Variants in GREM2 observed in about 807,000 individuals in gnomAD.
GREM2 encodes the protein gremlin 2, DAN family BMP antagonist.
GREM2 carries 11 observed loss-of-function variants against 14.2 expected under a neutral mutation model. That is an observed-to-expected ratio of 0.78 (90% CI 0.49 to 1.28). GREM2 has a LOEUF of 1.28. GREM2 is among the 50% of genes most tolerant of loss of function. The probability of loss-of-function intolerance (pLI) is 0.00; values close to 1 mark genes in which losing one functional copy is unlikely to be tolerated. For synonymous variants in GREM2, 98 were observed against 97.6 expected (o/e 1.00, Z -0.02); for missense variants, 210 against 218.5 (o/e 0.96, Z 0.24).
chr1:240,585,002 G>T (rs1248200322), intron 1 of GREM2, among the ~76,000 whole-genome samples: 8 of 152,090 alleles, frequency 5.3e-5, no homozygotes, highest in African/African-American at 1.7e-4. Flanking sequence ...GGGAAAAAAA[G>T]TAGTTTACTA....
chr1:240,534,175 G>C (rs929741507), intron 1 of GREM2, among the ~76,000 whole-genome samples: 2 of 152,160 alleles, frequency 1.3e-5, no homozygotes, highest in African/African-American at 4.8e-5. Flanking sequence ...TTCAGGAAGA[G>C]AGGTGTGAGG....
chr1:240,538,358 G>A (rs1484139652), intron 1 of GREM2, among the ~76,000 whole-genome samples: 1 of 152,032 alleles, frequency 6.6e-6, no homozygotes, highest in Non-Finnish European at 1.5e-5. Flanking sequence ...AAAACACCAT[G>A]GAATCATCCA....
At chr1:240,594,674 A>G (rs1236746362) in intron 1 of GREM2, among the ~76,000 whole-genome samples, 2 of 152,056 alleles carry the variant, frequency 1.3e-5, no homozygotes, top group African/African-American at 2.4e-5. Flanking sequence ...ATTCAAAGCA[A>G]AAACTAAGTT....
At chr1:240,598,436 A>G (rs1351784854) in intron 1 of GREM2, among the ~76,000 whole-genome samples, 1 of 152,232 alleles carries the variant, frequency 6.6e-6, no homozygotes, top group African/African-American at 2.4e-5. Flanking sequence ...AAACCACCTG[A>G]CAGAAACATG....
intron 1 of GREM2, among the ~76,000 whole-genome samples, chr1:240,582,985 A>T (rs1236246148): frequency 6.6e-6 from 1 of 152,174 alleles, no homozygotes; most frequent in Non-Finnish European, 1.5e-5. Flanking sequence ...TGCTTGACTA[A>T]AACCTCTTGT....
At chr1:240,537,199 A>G (rs1392955003) in intron 1 of GREM2, among the ~76,000 whole-genome samples, 1 of 152,254 alleles carries the variant, frequency 6.6e-6, no homozygotes, top group Admixed American at 6.5e-5. Flanking sequence ...CTGTGAGCAA[A>G]CAAATAACTA....
At chr1:240,561,592 A>G (rs1427183980) in intron 1 of GREM2, among the ~76,000 whole-genome samples, 3 of 152,030 alleles carry the variant, frequency 2.0e-5, no homozygotes, top group African/African-American at 7.2e-5. Context: ...AGAATCAATC[A>G]TTTTAATGCC....
chr1:240,512,257 T>C (rs891611175), intron 1 of GREM2, among the ~76,000 whole-genome samples: 3 of 152,188 alleles, frequency 2.0e-5, no homozygotes, highest in Non-Finnish European at 4.4e-5. Flanking sequence ...AGAGCATCAG[T>C]ATGAAAACTT....
chr1:240,501,067 TATG>T (rs1418576640), intron 1 of GREM2, among the ~76,000 whole-genome samples: 1 of 152,222 alleles, frequency 6.6e-6, no homozygotes, highest in African/African-American at 2.4e-5. Flanking sequence ...GATGGCATCT[TATG>T]ATGATTTTAA....
At chr1:240,570,353 T>G (rs1374835873) in intron 1 of GREM2, among the ~76,000 whole-genome samples, 1 of 152,070 alleles carries the variant, frequency 6.6e-6, no homozygotes, top group Non-Finnish European at 1.5e-5. Context: ...TCCCAGCTAC[T>G]CGGGGGGCTG....
At chr1:240,525,482 A>C (rs964642885) in intron 1 of GREM2, among the ~76,000 whole-genome samples, 1 of 150,740 alleles carries the variant, frequency 6.6e-6, no homozygotes, top group Non-Finnish European at 1.5e-5. Context: ...GTGGCTTAAG[A>C]CTCCACAAAT....
intron 1 of GREM2, among the ~76,000 whole-genome samples, chr1:240,550,850 T>C (rs1011294398): frequency 1.3e-5 from 2 of 152,218 alleles, no homozygotes; most frequent in African/African-American, 4.8e-5. Flanking sequence ...TCCAATCAAA[T>C]GGACATTGTC....
rs1429864517 is a variant in GREM2 at position 240,491,574 on chromosome 1, G to A, written c.*1395C>T. The A allele has an allele frequency of 1.3e-5, 2 of 152,528 alleles. No homozygotes were observed. The highest frequency in any genetic ancestry group is 2.9e-5 in the Non-Finnish European group (2 of 68,020). The allele number at this position is 152,528 out of a possible 1,614,324, so 9.4% of individuals were successfully genotyped here. On this transcript the variant is annotated 3_prime_UTR_variant, in exon 2 of 2. Coordinates refer to ENST00000318160, the MANE Select transcript of GREM2 (RefSeq NM_022469.4). Reference sequence around the variant, plus strand: ...ACAAAAGGTGACCTAATGTTTGTTCGTCCCTTTTGAAGTCTATTCTTTGAA... The same window carrying A: ...ACAAAAGGTGACCTAATGTTTGTTCATCCCTTTTGAAGTCTATTCTTTGAA...
intron 1 of GREM2, among the ~76,000 whole-genome samples, chr1:240,602,565 T>A (rs935465057): frequency 2.6e-5 from 4 of 152,122 alleles, no homozygotes; most frequent in African/African-American, 9.7e-5. Context: ...CAGCCTGTAA[T>A]CCCAGCACTT....
Position 240,493,440 on chromosome 1 carries a change from C to G in GREM2, c.36G>C (p.Val12=). ...FWKLSLSLFL[V]AVLVKVAEAR... ...CTTCCGCCACCTTCACCAGCACCGC[C>G]ACCAGGAACAAGGACAGGGAAAGCT... Residue 12 remains valine (V), a synonymous_variant, in exon 2 of 2, where the codon GTG becomes GTC. Coordinates refer to ENST00000318160, the MANE Select transcript of GREM2 (RefSeq NM_022469.4). 6.2e-7 allele frequency: 1 copy of G among 1,611,002 alleles called. No homozygotes were observed.
intron 1 of GREM2, among the ~76,000 whole-genome samples, chr1:240,529,327 A>T (rs1184227660): frequency 6.7e-6 from 1 of 150,196 alleles, no homozygotes; most frequent in Non-Finnish European, 1.5e-5. Context: ...TTTGCATCAA[A>T]GAATTTAGGA....
chr1:240,522,387 T>C (rs192739140), intron 1 of GREM2, among the ~76,000 whole-genome samples: 2 of 152,070 alleles, frequency 1.3e-5, no homozygotes, highest in African/African-American at 4.8e-5. Context: ...CAAAGCAATT[T>C]TGGAACAGTG....
intron 1 of GREM2, among the ~76,000 whole-genome samples, chr1:240,528,711 C>G (rs1198889645): frequency 6.6e-6 from 1 of 152,188 alleles, no homozygotes; most frequent in Non-Finnish European, 1.5e-5. Context: ...CAGGTCCAAG[C>G]ACTCTGGCTT....
intron 1 of GREM2, among the ~76,000 whole-genome samples, chr1:240,562,735 A>G (rs7539603): frequency 0.14 from 21,911 of 151,260 alleles, 3,998 homozygotes; most frequent in African/African-American, 0.43. Flanking sequence ...GTATGTGTGT[A>G]TATATGTGTG....
Sources: gnomAD v4.1 joint callset for allele counts (sites outside exome capture counted in the v4.1 genomes callset) on GRCh38, gnomAD v4.1.1 for gene constraint, MANE v1.5 for transcripts, NCBI Gene and HGNC (gene_info 2026-07-23, HGNC 2026-07-21) for gene names.